STRBP: variants seen among roughly 807,000 people sequenced by gnomAD.
The protein encoded by STRBP is spermatid perinuclear RNA binding protein.
A neutral mutation model predicts 80.1 loss-of-function variants in STRBP; 13 were observed. That is an observed-to-expected ratio of 0.16 (90% CI 0.11 to 0.26). The LOEUF (loss-of-function observed/expected upper bound fraction) is 0.26. Ranked by LOEUF, STRBP falls within the 10% of genes least tolerant of loss-of-function variation. STRBP has a pLI of 1.00. For synonymous variants in STRBP, 284 were observed against 291.2 expected, an observed-to-expected ratio of 0.98 and a Z score of 0.25; for missense variants, 485 against 815.2, an observed-to-expected ratio of 0.59 and a Z score of 4.93.
At chr9:123,132,765 AC>A in intron 17 of STRBP, 79 bp downstream of exon 17, 1 of 1,571,102 alleles carries the variant, frequency 6.4e-7, no homozygotes, top group Middle Eastern at 2.0e-4. Context: ...ACCCTGTACA[AC>A]CTTAGAAAAT....
rs538854062 is a variant in STRBP at position 123,180,320 on chromosome 9, A to C, written c.4-1093T>G. 2.0e-5 allele frequency among the ~76,000 whole-genome samples: 3 copies of C among 152,332 alleles called. No individual in the cohort carries two copies. In the East Asian group the frequency reaches 5.8e-4, roughly 29 times the overall value. Reference sequence around the variant, plus strand: ...AATACGAAATAAAAAGTTATCTGTGAACACTATAAGAAAACTATAAAAAAC... The same window carrying C: ...AATACGAAATAAAAAGTTATCTGTGCACACTATAAGAAAACTATAAAAAAC... On this transcript the variant is annotated intron_variant, in intron 3 of 18. Transcript: ENST00000348403.
chr9:123,131,447 A>C (rs2036133400), intron 17 of STRBP, among the ~76,000 whole-genome samples: 1 of 152,152 alleles, frequency 6.6e-6, no homozygotes, highest in African/African-American at 2.4e-5. Context: ...CTGCTTCTTC[A>C]ATTGAGCCAA....
intron 2 of STRBP, among the ~76,000 whole-genome samples, chr9:123,200,980 G>A (rs1350455530): frequency 6.6e-6 from 1 of 151,676 alleles, no homozygotes; most frequent in African/African-American, 2.4e-5. Context: ...TACGTTTCCA[G>A]GAATTTGACC....
At chr9:123,129,724 C>T (rs950199385) in intron 17 of STRBP, among the ~76,000 whole-genome samples, 1 of 152,228 alleles carries the variant, frequency 6.6e-6, no homozygotes, top group Admixed American at 6.5e-5. Flanking sequence ...GCTAGGTCTT[C>T]TCTGAATGCC....
intron 2 of STRBP, among the ~76,000 whole-genome samples, chr9:123,191,583 G>A (rs1213953482): frequency 5.3e-5 from 8 of 152,152 alleles, no homozygotes; most frequent in Non-Finnish European, 1.0e-4. Context: ...TACATGATAT[G>A]CAAACAAATG....
In STRBP at chr9:123,125,562, ATTG is replaced by A. The variant is rs766067190; in HGVS notation, c.*32_*34del. The A allele has an allele frequency of 1.9e-6, 3 of 1,608,450 alleles. No homozygotes were observed. Among genetic ancestry groups the A allele is most frequent in the East Asian group, 2.2e-5 (1 of 44,734 alleles). ...TCTCTAACATTCTGTGTTGTACTGT[ATTG>A]TTGTTCAATAGGAATTAGCTTCTGT... is the stretch of plus-strand genomic sequence containing the variant. On this transcript the variant is annotated 3_prime_UTR_variant, in exon 19 of 19. Coordinates refer to ENST00000348403, the MANE Select transcript of STRBP (RefSeq NM_018387.5).
chr9:123,149,775 C>A (rs913772271), intron 11 of STRBP, among the ~76,000 whole-genome samples: 1 of 152,164 alleles, frequency 6.6e-6, no homozygotes, highest in Non-Finnish European at 1.5e-5. Context: ...CTCATGAGCA[C>A]CCTCATGAAG....
chr9:123,132,688 T>A (rs1003790728), intron 17 of STRBP, among the ~76,000 whole-genome samples, 157 bp downstream of exon 17: 1 of 152,248 alleles, frequency 6.6e-6, no homozygotes, highest in African/African-American at 2.4e-5. Context: ...AGAACACCTA[T>A]GACATTCTGC....
chr9:123,160,483 C>G (rs773796392), intron 7 of STRBP, 21 bp from the exon 8 acceptor site: 2 of 1,565,110 alleles, frequency 1.3e-6, no homozygotes, highest in Non-Finnish European at 1.7e-6. Context: ...CAAAATGATT[C>G]CAGATATCCC....
At chr9:123,256,546 G>T (rs940300167) in intron 1 of STRBP, among the ~76,000 whole-genome samples, 2 of 152,056 alleles carry the variant, frequency 1.3e-5, no homozygotes, top group East Asian at 3.8e-4. Flanking sequence ...AAACCAAAAC[G>T]CTTGTAATAT....
chr9:123,179,940 G>C (rs2038382263), intron 3 of STRBP, among the ~76,000 whole-genome samples: 1 of 152,032 alleles, frequency 6.6e-6, no homozygotes, highest in African/African-American at 2.4e-5. Context: ...AACTGCCAAA[G>C]ACTTCTAACC....
At chr9:123,190,484 T>A (rs2038883566) in intron 2 of STRBP, among the ~76,000 whole-genome samples, 2 of 149,506 alleles carry the variant, frequency 1.3e-5, no homozygotes, top group South Asian at 4.2e-4. Context: ...AAAAGGCACG[T>A]GCAAGAAGGT....
chr9:123,196,385 G>C (rs1254249063), intron 2 of STRBP, among the ~76,000 whole-genome samples: 1 of 152,058 alleles, frequency 6.6e-6, no homozygotes, highest in Non-Finnish European at 1.5e-5. Context: ...ATCACATCAA[G>C]TTGAAAAGCT....
intron 3 of STRBP, among the ~76,000 whole-genome samples, chr9:123,179,487 T>C (rs766226993): frequency 1.3e-5 from 2 of 152,120 alleles, no homozygotes; most frequent in Non-Finnish European, 2.9e-5. Flanking sequence ...ATAAATAATG[T>C]TATCCTGGCC....
intron 2 of STRBP, among the ~76,000 whole-genome samples, chr9:123,184,530 C>G (rs1461671673): frequency 1.3e-5 from 2 of 152,166 alleles, no homozygotes; most frequent in Non-Finnish European, 2.9e-5. Flanking sequence ...AGCTGGCTGA[C>G]TAGCACTCAA....
intron 11 of STRBP, among the ~76,000 whole-genome samples, chr9:123,155,876 A>G (rs986478931): frequency 6.6e-6 from 1 of 152,086 alleles, no homozygotes; most frequent in Non-Finnish European, 1.5e-5. Flanking sequence ...TTAAACGTGA[A>G]TGTCAGGAAG....
At chr9:123,167,237 T>G (rs535679243) in intron 6 of STRBP, among the ~76,000 whole-genome samples, 1 of 152,020 alleles carries the variant, frequency 6.6e-6, no homozygotes, top group Non-Finnish European at 1.5e-5. Flanking sequence ...TGAAGGAAAG[T>G]TGAGATACTA....
intron 2 of STRBP, among the ~76,000 whole-genome samples, chr9:123,199,210 G>A (rs972659461): frequency 8.5e-5 from 13 of 152,074 alleles, no homozygotes; most frequent in Non-Finnish European, 1.3e-4. Flanking sequence ...CTGGGATTAC[G>A]GGCGTGAGCC....
chr9:123,184,400 A>C (rs915564870), intron 2 of STRBP, 102 bp from the exon 3 acceptor site: 3 of 301,430 alleles, frequency 1.0e-5, no homozygotes, highest in Non-Finnish European at 1.2e-5. Flanking sequence ...AAAGAAATAA[A>C]CTCAATAGAG....
Sources: allele counts gnomAD v4.1 joint callset (sites outside exome capture counted in the v4.1 genomes callset), GRCh38; gene constraint gnomAD v4.1.1; transcripts MANE v1.5; gene names NCBI Gene and HGNC (gene_info 2026-07-23, HGNC 2026-07-21).